Variants in USP32 observed in about 807,000 individuals in gnomAD.
USP32 encodes the protein ubiquitin carboxyl-terminal hydrolase 32.
Under a neutral mutation model 204.8 loss-of-function variants are expected in USP32, and 59 were observed. That is an observed-to-expected ratio of 0.29 (90% CI 0.23 to 0.36). The LOEUF (loss-of-function observed/expected upper bound fraction) is 0.36. Ranked by LOEUF, USP32 falls within the 10% of genes least tolerant of loss-of-function variation. The pLI, the probability that USP32 is intolerant of heterozygous loss-of-function variation, is 1.00. For synonymous variants in USP32, 517 were observed against 678.4 expected (o/e 0.76, Z 3.70); for missense variants, 1,160 against 1,946.4 (o/e 0.60, Z 7.60).
chr17:60,209,063 C>T (rs939174765), intron 22 of USP32, among the ~76,000 whole-genome samples: 5 of 152,066 alleles, frequency 3.3e-5, no homozygotes, highest in African/African-American at 1.2e-4. Context: ...ATAAAGCATG[C>T]CTATAGGTCA....
At chr17:60,206,773 C>T (rs1192156167) in intron 25 of USP32, among the ~76,000 whole-genome samples, 1 of 152,098 alleles carries the variant, frequency 6.6e-6, no homozygotes, top group Non-Finnish European at 1.5e-5. Flanking sequence ...ATATTAGATA[C>T]AAGTTCAAAG....
intron 9 of USP32, chr17:60,258,083 A>G (rs2086360946): frequency 6.3e-6 from 1 of 158,516 alleles, no homozygotes; most frequent in Admixed American, 6.5e-5. Flanking sequence ...AGATCAAGAC[A>G]GAGCAGGTAT....
chr17:60,252,083 A>G (rs1437303057), intron 11 of USP32, among the ~76,000 whole-genome samples: 3 of 152,012 alleles, frequency 2.0e-5, no homozygotes, highest in Non-Finnish European at 4.4e-5. Flanking sequence ...TCTATTTTCT[A>G]ATTTTTCCAA....
At chr17:60,185,827 C>T (rs562504163) in intron 29 of USP32, 176 bp from the exon 30 acceptor site, 4 of 668,212 alleles carry the variant, frequency 6.0e-6, no homozygotes, top group South Asian at 3.6e-5. Flanking sequence ...TTTAGGAGGC[C>T]GAGGTGGGGT....
chr17:60,382,752 G>A (rs1474619741), intron 1 of USP32, among the ~76,000 whole-genome samples: 1 of 151,844 alleles, frequency 6.6e-6, no homozygotes, highest in African/African-American at 2.4e-5. Flanking sequence ...GTACATGAAG[G>A]TCATCATATA....
At chr17:60,276,946 C>CATACATAT (rs1555606775) in intron 5 of USP32, among the ~76,000 whole-genome samples, 6 of 140,758 alleles carry the variant, frequency 4.3e-5, no homozygotes, top group African/African-American at 1.7e-4. Flanking sequence ...ATTACATATA[C>CATACATAT]ATATATATAT....
intron 5 of USP32, among the ~76,000 whole-genome samples, chr17:60,283,232 T>G (rs963849048): frequency 1.3e-5 from 2 of 152,186 alleles, no homozygotes; most frequent in Non-Finnish European, 1.5e-5. Context: ...TAAAAGTTCA[T>G]GGTGTGGTCA....
intron 18 of USP32, among the ~76,000 whole-genome samples, chr17:60,212,328 T>C (rs1296257555): frequency 1.3e-5 from 2 of 152,246 alleles, no homozygotes; most frequent in Non-Finnish European, 2.9e-5. Flanking sequence ...CTAGGCTATG[T>C]ATGGTATAGG....
intron 33 of USP32, among the ~76,000 whole-genome samples, chr17:60,180,032 T>C (rs2084064621): frequency 6.6e-6 from 1 of 151,792 alleles, no homozygotes; most frequent in African/African-American, 2.4e-5. Flanking sequence ...ACTCCTGTTT[T>C]TTTTTTTTCT....
chr17:60,409,408 C>T (rs1254051164), intron 1 of USP32, among the ~76,000 whole-genome samples: 1 of 152,110 alleles, frequency 6.6e-6, no homozygotes, highest in African/African-American at 2.4e-5. Flanking sequence ...CTATGCACGT[C>T]GGGCAGTGAG....
chr17:60,352,749 G>A (rs1191438347), intron 1 of USP32, among the ~76,000 whole-genome samples: 2 of 152,166 alleles, frequency 1.3e-5, no homozygotes, highest in Non-Finnish European at 2.9e-5. Flanking sequence ...CTCAACAAAA[G>A]AACTCGAAGG....
intron 1 of USP32, among the ~76,000 whole-genome samples, chr17:60,407,781 CAAAAAAAAAAAA>C (rs750848462): frequency 1.4e-4 from 5 of 35,946 alleles, no homozygotes; most frequent in South Asian, 2.8e-3. Context: ...GCCTCTGTCT[CAAAAAAAAAAAA>C]AAAAAAAAAA....
At chr17:60,389,822 C>A (rs935998244) in intron 1 of USP32, among the ~76,000 whole-genome samples, 2 of 151,850 alleles carry the variant, frequency 1.3e-5, no homozygotes, top group Non-Finnish European at 2.9e-5. Flanking sequence ...CCAGACCATC[C>A]CGGCTAACAC....
chr17:60,363,298 A>T (rs1408317501), intron 1 of USP32, among the ~76,000 whole-genome samples: 2 of 151,720 alleles, frequency 1.3e-5, no homozygotes, highest in Non-Finnish European at 2.9e-5. Context: ...CTACTAAAAT[A>T]CAAAAAATTA....
chr17:60,185,670 G>A lies in USP32; in HGVS notation c.3643-19C>T, dbSNP rs372280021. 136 of 1,599,448 alleles carry A rather than the reference G, an allele frequency of 8.5e-5. 1 individual carries two copies. The African/African-American group carries it at 1.6e-3, about 19-fold the overall frequency. On this transcript the variant is annotated intron_variant, in intron 29 of 33. Coordinates refer to ENST00000300896, the MANE Select transcript of USP32 (RefSeq NM_032582.4). ...CTACAACCTGCAGGTAGAGGGAACA[G>A]GAGGAAAGGGGTGCGTGGGAAGGCA... is the stretch of plus-strand genomic sequence containing the variant.
chr17:60,283,024 T>C (rs1197906866), intron 5 of USP32, among the ~76,000 whole-genome samples: 2 of 152,166 alleles, frequency 1.3e-5, no homozygotes, highest in Non-Finnish European at 2.9e-5. Context: ...ATTGCTTCAA[T>C]TGAAATATAA....
chr17:60,312,518 C>A (rs1438741678), intron 2 of USP32, among the ~76,000 whole-genome samples: 5 of 151,060 alleles, frequency 3.3e-5, no homozygotes, highest in Admixed American at 6.6e-5. Context: ...CTTGACCTCC[C>A]AGGCTCAAGT....
intron 5 of USP32, among the ~76,000 whole-genome samples, chr17:60,278,812 A>G (rs945390006): frequency 1.3e-5 from 2 of 152,230 alleles, no homozygotes; most frequent in Non-Finnish European, 2.9e-5. Context: ...AGGACTATTC[A>G]CGTACTACAG....
In USP32 at chr17:60,411,063, T is replaced by G. The variant is rs552078762; in HGVS notation, c.106+11183A>C. Among the ~76,000 whole-genome samples the G allele has an allele frequency of 1.3e-4, 20 of 151,070 alleles. 1 individual carries two copies. The South Asian group carries it at 4.0e-3, about 30-fold the overall frequency. On this transcript the variant is annotated intron_variant, in intron 1 of 3. Transcript: ENST00000588898. Reference sequence around the variant, plus strand: ...AGCCAGCCAGGCCAGGCACGGTGGCTCACACCTGTAATCTCAGCACTTTGG... The same window carrying G: ...AGCCAGCCAGGCCAGGCACGGTGGCGCACACCTGTAATCTCAGCACTTTGG...
Sources: allele counts gnomAD v4.1 joint callset (sites outside exome capture counted in the v4.1 genomes callset), GRCh38; gene constraint gnomAD v4.1.1; transcripts MANE v1.5; gene names NCBI Gene and HGNC (gene_info 2026-07-23, HGNC 2026-07-21).